Variants in TP53BP2 observed in about 807,000 individuals in gnomAD.
TP53BP2 encodes the protein apoptosis-stimulating of p53 protein 2.
A neutral mutation model predicts 126.2 loss-of-function variants in TP53BP2; 62 were observed. That is an observed-to-expected ratio of 0.49 (90% CI 0.40 to 0.61). The LOEUF (loss-of-function observed/expected upper bound fraction) is 0.61, where lower values mean the gene tolerates loss of function less well. Among genes scored for constraint, TP53BP2 ranks in the 20% least tolerant of loss-of-function variants. The pLI is 0.00. For missense variants in TP53BP2, 1,215 were observed against 1,402.8 expected, an observed-to-expected ratio of 0.87 and a Z score of 2.14; for synonymous variants, 485 against 502.9, an observed-to-expected ratio of 0.96 and a Z score of 0.48.
chr1:223,792,781 T>C (rs1662196157), intron 14 of TP53BP2, among the ~76,000 whole-genome samples: 1 of 151,720 alleles, frequency 6.6e-6, no homozygotes, highest in Admixed American at 6.6e-5. Context: ...ACTATATCCT[T>C]ATAGTCATTT....
At position 223,780,801 on chromosome 1, in the gene TP53BP2, T is replaced by G; in HGVS notation, c.*52A>C. ...TTTTTGCCAAAAATAATCGTATTACTTCTTCTTAACAGAGATTAATTCTTC... is the reference window on the plus strand; with the variant it reads ...TTTTTGCCAAAAATAATCGTATTACGTCTTCTTAACAGAGATTAATTCTTC... On this transcript the variant is annotated 3_prime_UTR_variant, in exon 18 of 18. Transcript: ENST00000343537. The G allele has an allele frequency of 2.5e-6, 4 of 1,581,902 alleles. No individual in the cohort carries two copies. Among genetic ancestry groups the G allele is most frequent in the South Asian group, 2.3e-5 (2 of 86,172 alleles).
At position 223,819,021 on chromosome 1, in the gene TP53BP2, T is replaced by C. The variant is rs987790400; in HGVS notation, c.175+2199A>G. On this transcript the variant is annotated intron_variant, in intron 2 of 17. Transcript: ENST00000343537. ...CAACATGGAGAAAGCCCGTCTCTAC[T>C]AAAAATACAAAATTAGTTGGGCGTG... is the stretch of plus-strand genomic sequence containing the variant. Among the ~76,000 whole-genome samples the C allele has an allele frequency of 2.0e-5, 3 of 151,530 alleles. No homozygotes were observed. The East Asian group carries it at 6.0e-4, about 30-fold the overall frequency.
intron 1 of TP53BP2, chr1:223,834,968 C>T: frequency 1.8e-6 from 1 of 555,884 alleles, no homozygotes; most frequent in Non-Finnish European, 2.3e-6. Flanking sequence ...TGCCTCCTCC[C>T]TGGTTTTCCT....
chr1:223,789,510 C>T (rs1266917160), intron 15 of TP53BP2, among the ~76,000 whole-genome samples: 2 of 152,208 alleles, frequency 1.3e-5, no homozygotes, highest in East Asian at 3.8e-4. Context: ...TGTCCTGGAG[C>T]ATCCAGCCTA....
intron 1 of TP53BP2, among the ~76,000 whole-genome samples, chr1:223,828,607 C>T (rs1009151974): frequency 7.2e-5 from 11 of 152,270 alleles, no homozygotes; most frequent in African/African-American, 2.4e-4. Flanking sequence ...TTAAGAAGCA[C>T]ATCTTAAAAG....
chr1:223,804,046 G>A lies in TP53BP2; in HGVS notation c.649+128C>T, dbSNP rs574120692. ...CACCTGTAACCCCAGCTACTCAGGA[G>A]GCTGAGGTGGGAGGATCACTTGAGG... On this transcript the variant is annotated intron_variant, in intron 6 of 17. Transcript: ENST00000343537. 8 of 921,190 alleles carry A rather than the reference G, an allele frequency of 8.7e-6. No individual in the cohort carries two copies. The South Asian group carries it at 1.4e-4, about 16-fold the overall frequency. The allele number at this position is 921,190 out of a possible 1,614,324, so 57.1% of individuals were successfully genotyped here.
intron 12 of TP53BP2, among the ~76,000 whole-genome samples, chr1:223,797,696 C>A (rs1662374392): frequency 6.6e-6 from 1 of 152,076 alleles, no homozygotes; most frequent in Non-Finnish European, 1.5e-5. Flanking sequence ...CAGGCGTGAG[C>A]CACTGCGCCC....
chr1:223,817,899 C>T (rs1663145074), intron 2 of TP53BP2, among the ~76,000 whole-genome samples: 1 of 147,580 alleles, frequency 6.8e-6, no homozygotes, highest in Non-Finnish European at 1.5e-5. Context: ...GCACTCCAGC[C>T]TGGGCAACAG....
At position 223,793,438 on chromosome 1, in the gene TP53BP2, A is replaced by G. The variant is rs1315458872; in HGVS notation, c.2727T>C (p.Gly909=). ...CAGTTTTACGCAAGTTTGTCCTTTT[A>G]CCCTGCAAAGAAAATGGGTGGAAAA... ...EITGQVSLPP[G]KRTNLRKTGS... The change falls in exon 14 of 18, where the codon GGT becomes GGC. Residue 909 remains glycine, a splice_region_variant and synonymous_variant. Transcript: ENST00000343537. 1 of 1,573,796 alleles carries G rather than the reference A, an allele frequency of 6.4e-7. No individual in the cohort carries two copies. The highest frequency in any genetic ancestry group is 8.6e-7 in the Non-Finnish European group (1 of 1,164,118).
intron 6 of TP53BP2, 49 bp downstream of exon 6, chr1:223,804,125 A>C: frequency 6.4e-7 from 1 of 1,567,366 alleles, no homozygotes; most frequent in Non-Finnish European, 8.6e-7. Flanking sequence ...TCTCAAAAAA[A>C]CCAGACAAAT....
At chr1:223,808,878 T>C (rs1222489526) in intron 4 of TP53BP2, among the ~76,000 whole-genome samples, 2 of 152,014 alleles carry the variant, frequency 1.3e-5, no homozygotes, top group African/African-American at 2.4e-5. Context: ...CCAAAATCAT[T>C]AGTCATTAGA....
At chr1:223,786,581 C>CGTGTGTGT (rs61533251) in intron 16 of TP53BP2, among the ~76,000 whole-genome samples, 12,322 of 144,272 alleles carry the variant, frequency 0.085, 534 homozygotes, top group South Asian at 0.14. Flanking sequence ...TGCGTGTGTG[C>CGTGTGTGT]GTGTGTGTGT....
intron 4 of TP53BP2, among the ~76,000 whole-genome samples, chr1:223,807,357 T>G (rs545150956): frequency 6.6e-6 from 1 of 152,202 alleles, no homozygotes; most frequent in Admixed American, 6.5e-5. Context: ...TAAAAATACT[T>G]TAGCACTAAA....
At chr1:223,804,376 GTCATT>G in intron 5 of TP53BP2, 28 bp from the exon 6 acceptor site, 1 of 1,603,662 alleles carries the variant, frequency 6.2e-7, no homozygotes, top group Middle Eastern at 1.7e-4. Context: ...CATTAGGTAT[GTCATT>G]TTAGGTAAGT....
intron 1 of TP53BP2, among the ~76,000 whole-genome samples, chr1:223,830,738 G>A (rs1571873139): frequency 6.6e-6 from 1 of 152,142 alleles, no homozygotes; most frequent in African/African-American, 2.4e-5. Flanking sequence ...TATAAATAGA[G>A]TGTTAGGAAA....
chr1:223,825,951 G>A (rs777775751), intron 1 of TP53BP2: 1 of 152,436 alleles, frequency 6.6e-6, no homozygotes, highest in Non-Finnish European at 1.5e-5. Flanking sequence ...AAGCAGGGTG[G>A]AGGAAGGTGA....
At chr1:223,843,316 G>A (rs868326450) in intron 1 of TP53BP2, among the ~76,000 whole-genome samples, 4 of 152,010 alleles carry the variant, frequency 2.6e-5, no homozygotes, top group Middle Eastern at 3.4e-3. Flanking sequence ...GACTACAGGC[G>A]CACGCCACCA....
At chr1:223,784,777 G>A (rs773874717) in intron 16 of TP53BP2, among the ~76,000 whole-genome samples, 3 of 152,090 alleles carry the variant, frequency 2.0e-5, no homozygotes, top group Non-Finnish European at 4.4e-5. Flanking sequence ...AAAAGATGGA[G>A]GCACAATGGT....
At chr1:223,839,479 C>T (rs1358325566) in intron 1 of TP53BP2, among the ~76,000 whole-genome samples, 1 of 152,186 alleles carries the variant, frequency 6.6e-6, no homozygotes, top group Non-Finnish European at 1.5e-5. Context: ...TTGCCTTAAT[C>T]ATTTTTTATT....
Sources: gnomAD v4.1 joint callset for allele counts (sites outside exome capture counted in the v4.1 genomes callset) on GRCh38, gnomAD v4.1.1 for gene constraint, MANE v1.5 for transcripts, NCBI Gene and HGNC (gene_info 2026-07-23, HGNC 2026-07-21) for gene names.